Variants in DOK6 observed in about 807,000 individuals in gnomAD.
DOK6 encodes docking protein 6.
A neutral mutation model predicts 44.0 loss-of-function variants in DOK6; 22 were observed. That is an observed-to-expected ratio of 0.50 (90% CI 0.36 to 0.71). The LOEUF is 0.71. DOK6 is among the 30% of genes least tolerant of loss of function. The pLI is 0.00. For missense variants in DOK6, 340 were observed against 416.4 expected (o/e 0.82, Z 1.60); for synonymous variants, 166 against 145.5 (o/e 1.14, Z -1.01).
At chr18:69,749,575 T>C (rs1979101383) in intron 6 of DOK6, among the ~76,000 whole-genome samples, 1 of 152,184 alleles carries the variant, frequency 6.6e-6, no homozygotes, top group Non-Finnish European at 1.5e-5. Flanking sequence ...TTCAGCATCC[T>C]CTCATTTTAA....
At chr18:69,405,375 T>C (rs1204427070) in intron 1 of DOK6, among the ~76,000 whole-genome samples, 1 of 152,112 alleles carries the variant, frequency 6.6e-6, no homozygotes, top group Non-Finnish European at 1.5e-5. Context: ...ATCCTAGCAT[T>C]TTGGGAGGCT....
At chr18:69,620,098 A>G (rs1984405101) in intron 3 of DOK6, among the ~76,000 whole-genome samples, 1 of 152,168 alleles carries the variant, frequency 6.6e-6, no homozygotes, top group Non-Finnish European at 1.5e-5. Context: ...TAAATATGTG[A>G]CGTATGCTTT....
chr18:69,676,705 TTCAAATTTCTGCA>T (rs1450401193), intron 3 of DOK6, among the ~76,000 whole-genome samples: 4 of 152,198 alleles, frequency 2.6e-5, no homozygotes, highest in Non-Finnish European at 5.9e-5. Flanking sequence ...GAGACCCCTT[TTCAAATTTCTGCA>T]TAGTAAAATA....
chr18:69,449,128 G>A (rs557239173), intron 1 of DOK6, among the ~76,000 whole-genome samples: 1 of 152,322 alleles, frequency 6.6e-6, no homozygotes, highest in East Asian at 1.9e-4. Flanking sequence ...CTAGTTAGTT[G>A]TGGTCTTTAA....
chr18:69,597,450 G>T (rs879515046), intron 2 of DOK6, among the ~76,000 whole-genome samples: 1 of 152,132 alleles, frequency 6.6e-6, no homozygotes, highest in Non-Finnish European at 1.5e-5. Flanking sequence ...TGCTAATAAT[G>T]AACTTAGGGC....
intron 1 of DOK6, among the ~76,000 whole-genome samples, chr18:69,557,828 G>T (rs1157393202): frequency 2.0e-5 from 3 of 152,120 alleles, no homozygotes; most frequent in Admixed American, 6.5e-5. Flanking sequence ...CAGACACTGG[G>T]AAGGTACATT....
chr18:69,494,992 A>G lies in DOK6; in HGVS notation c.67-69495A>G, dbSNP rs559908693. On this transcript the variant is annotated intron_variant, in intron 1 of 7. Coordinates refer to ENST00000382713, the MANE Select transcript of DOK6 (RefSeq NM_152721.6). ...GCCAAGTGCGAGCCAGGTGTGGAGC[A>G]GCAAGGGGTGTGTGAGGGAGCAAGC... 3.3e-5 allele frequency among the ~76,000 whole-genome samples: 5 copies of G among 152,322 alleles called. No homozygotes were observed. The South Asian group carries it at 1.0e-3, about 32-fold the overall frequency.
At chr18:69,519,298 G>C (rs1232071074) in intron 1 of DOK6, among the ~76,000 whole-genome samples, 1 of 151,788 alleles carries the variant, frequency 6.6e-6, no homozygotes, top group Non-Finnish European at 1.5e-5. Flanking sequence ...GTAATTTATA[G>C]TGAAGAAAAA....
intron 2 of DOK6, among the ~76,000 whole-genome samples, chr18:69,593,922 A>C (rs1283141829): frequency 6.6e-6 from 1 of 152,198 alleles, no homozygotes; most frequent in Non-Finnish European, 1.5e-5. Context: ...AATTTTCATT[A>C]AGATCCTTTG....
At position 69,848,257 on chromosome 18, in the gene DOK6, G is replaced by C. The variant is rs17081723; in HGVS notation, c.*6874G>C. The C allele has an allele frequency of 1.3e-5, 2 of 151,826 alleles. No individual in the cohort carries two copies. The highest frequency in any genetic ancestry group is 2.9e-5 in the Non-Finnish European group (2 of 67,994). 9.4% of individuals were successfully genotyped at this position (151,826 alleles called of 1,614,324 possible). On this transcript the variant is annotated 3_prime_UTR_variant, in exon 8 of 8. Transcript: ENST00000382713. ...TATATACTTTGTGAAGTCTTATACT[G>C]TACATCATAAAGCGATGTCATCTGT...
intron 5 of DOK6, among the ~76,000 whole-genome samples, chr18:69,721,069 C>T (rs1173537898): frequency 6.6e-6 from 1 of 152,104 alleles, no homozygotes; most frequent in African/African-American, 2.4e-5. Flanking sequence ...CAAGTCTTGC[C>T]TTCTTCAGTT....
intron 1 of DOK6, among the ~76,000 whole-genome samples, chr18:69,481,191 A>G (rs936478385): frequency 3.3e-5 from 5 of 152,052 alleles, no homozygotes; most frequent in African/African-American, 9.7e-5. Flanking sequence ...AGGAGCTGAG[A>G]TACCAAGTCA....
chr18:69,708,374 G>A (rs1458080181), intron 5 of DOK6, among the ~76,000 whole-genome samples: 1 of 152,142 alleles, frequency 6.6e-6, no homozygotes, highest in Non-Finnish European at 1.5e-5. Context: ...CACTTTCCCT[G>A]TGCCTTCAGT....
intron 7 of DOK6, among the ~76,000 whole-genome samples, chr18:69,791,606 A>AT (rs1364895917): frequency 6.6e-6 from 1 of 151,808 alleles, no homozygotes; most frequent in Admixed American, 6.6e-5. Context: ...AGATTACTAG[A>AT]TTTTTTTCTA....
intron 1 of DOK6, among the ~76,000 whole-genome samples, chr18:69,435,077 AGG>A (rs1232148141): frequency 1.9e-4 from 28 of 149,700 alleles, no homozygotes; most frequent in African/African-American, 6.3e-4. Flanking sequence ...GAAGGAAGGA[AGG>A]AAGGAAGGAA....
At chr18:69,626,192 A>T (rs1984553101) in intron 3 of DOK6, among the ~76,000 whole-genome samples, 1 of 152,198 alleles carries the variant, frequency 6.6e-6, no homozygotes, top group African/African-American at 2.4e-5. Context: ...AAAATTGTTT[A>T]GTGACATTTT....
intron 5 of DOK6, 94 bp from the exon 6 acceptor site, chr18:69,738,871 G>A (rs1978703486): frequency 2.7e-6 from 4 of 1,491,088 alleles, no homozygotes; most frequent in East Asian, 2.3e-5. Flanking sequence ...GTCAGGAGGA[G>A]GAGGCACAAG....
intron 1 of DOK6, among the ~76,000 whole-genome samples, chr18:69,491,386 T>A (rs1217059962): frequency 1.3e-5 from 2 of 152,228 alleles, no homozygotes; most frequent in East Asian, 3.8e-4. Flanking sequence ...ATATTGCCTG[T>A]CATTTTCTGA....
intron 1 of DOK6, among the ~76,000 whole-genome samples, chr18:69,407,114 T>A (rs1018914510): frequency 6.6e-6 from 1 of 152,214 alleles, no homozygotes; most frequent in Non-Finnish European, 1.5e-5. Context: ...GCATATATAT[T>A]TGACATAAAT....
Sources: allele counts gnomAD v4.1 joint callset (sites outside exome capture counted in the v4.1 genomes callset), GRCh38; gene constraint gnomAD v4.1.1; transcripts MANE v1.5; gene names NCBI Gene and HGNC (gene_info 2026-07-23, HGNC 2026-07-21).